The following ZNF808 variants were observed in gnomAD, a reference collection of about 807,000 sequenced individuals.
The protein encoded by ZNF808 is zinc finger protein 808.
A neutral mutation model predicts 8.7 loss-of-function variants in ZNF808; 5 were observed. The observed-to-expected ratio is 0.58, with a 90% CI of 0.30 to 1.21. ZNF808 has a LOEUF of 1.21. Among genes scored for constraint, ZNF808 ranks in the 50% most tolerant of loss-of-function variants. ZNF808 has a pLI of 0.07. For missense variants in ZNF808, 1,103 were observed against 1,098.4 expected (o/e 1.00, Z -0.06); for synonymous variants, 380 against 366.0 (o/e 1.04, Z -0.44).
At chr19:52,538,272 T>A (rs2059632582) in intron 2 of ZNF808, among the ~76,000 whole-genome samples, 3 of 149,326 alleles carry the variant, frequency 2.0e-5, no homozygotes, top group Non-Finnish European at 4.4e-5. Context: ...TTCCCCCGTC[T>A]TGGCCTTGCA....
In ZNF808 at chr19:52,555,026, A is replaced by T. The variant is rs1229029406; in HGVS notation, c.2110A>T (p.Met704Leu). Residue 704 changes from methionine (M) to leucine (L), a missense_variant, in exon 5 of 5, where the codon ATG becomes TTG. Met to Leu is a conservative substitution (Grantham distance 15, BLOSUM62 2). Transcript: ENST00000359798. ...VAKHTRIHSG[M>L]KPYKCNECSK... ...AAAACATACTAGAATTCACAGTGGA[A>T]TGAAACCTTACAAGTGTAATGAGTG... The T allele has an allele frequency of 6.2e-7, 1 of 1,612,986 alleles. No individual in the cohort carries two copies. The highest frequency in any genetic ancestry group is 8.5e-7 in the Non-Finnish European group (1 of 1,179,758).
At chr19:52,564,843 T>G (rs549396492), downstream of ZNF808, among the ~76,000 whole-genome samples, 3 of 152,136 alleles carry the variant, frequency 2.0e-5, no homozygotes, top group African/African-American at 7.2e-5. Flanking sequence ...TCCCAGCACT[T>G]TGGGAGGCCG....
At chr19:52,529,853 T>C (rs2059544325) in intron 1 of ZNF808, among the ~76,000 whole-genome samples, 1 of 151,640 alleles carries the variant, frequency 6.6e-6, no homozygotes, top group South Asian at 2.1e-4. Context: ...TCTGAGTAGC[T>C]GGGACCAGAG....
chr19:52,545,486 A>G (rs1214443490), intron 3 of ZNF808, among the ~76,000 whole-genome samples: 1 of 152,192 alleles, frequency 6.6e-6, no homozygotes, highest in East Asian at 1.9e-4. Context: ...TAATGAGTTA[A>G]TGGTAAGATG....
In ZNF808 at chr19:52,543,142, C is replaced by T. The variant is rs955299916; in HGVS notation, c.-19-124C>T. 19 of 936,554 alleles carry T rather than the reference C, an allele frequency of 2.0e-5. 1 individual carries two copies. The African/African-American group carries it at 3.0e-4, about 15-fold the overall frequency. The allele number at this position is 936,554 out of a possible 1,614,324, so 58.0% of individuals were successfully genotyped here. On this transcript the variant is annotated intron_variant, in intron 2 of 4. Transcript: ENST00000359798. ...TGGGACTTTCTTACCTCTGCATGAT[C>T]TCTGGTGCAGTGGGCAGTGGGGGAC...
In ZNF808 at chr19:52,554,780, C is replaced by T. The variant is rs1351412139; in HGVS notation, c.1864C>T (p.Pro622Ser). ...SHKRIHTGEK[P>S]YRCQVCDTAF... ...TAAGAGAATTCATACTGGAGAGAAA[C>T]CATACAGATGTCAGGTTTGTGACAC... The change falls in exon 5 of 5, where the codon CCA becomes TCA. Residue 622 changes from proline to serine, a missense_variant. Pro to Ser is a moderately conservative substitution (Grantham distance 74). Coordinates refer to ENST00000359798, the MANE Select transcript of ZNF808 (RefSeq NM_001039886.4). The T allele has an allele frequency of 3.1e-6, 5 of 1,613,768 alleles. No homozygotes were observed. The highest frequency in any genetic ancestry group is 4.2e-6 in the Non-Finnish European group (5 of 1,179,912).
At chr19:52,556,986 T>G (rs1430891741), downstream of ZNF808, among the ~76,000 whole-genome samples, 1 of 152,188 alleles carries the variant, frequency 6.6e-6, no homozygotes, top group Non-Finnish European at 1.5e-5. Flanking sequence ...TTGTTTGTTT[T>G]TTTTTAAATG....
At chr19:52,529,414 G>C (rs1197818605) in intron 1 of ZNF808, among the ~76,000 whole-genome samples, 1 of 152,122 alleles carries the variant, frequency 6.6e-6, no homozygotes, top group African/African-American at 2.4e-5. Flanking sequence ...ACTGGGTTTA[G>C]ATCAGTGGAT....
In ZNF808 at chr19:52,553,189, A is replaced by G. The variant is rs201010962; in HGVS notation, c.273A>G (p.Gln91=). The G allele has an allele frequency of 2.8e-5, 45 of 1,613,398 alleles. No individual in the cohort carries two copies. The highest frequency in any genetic ancestry group is 3.3e-4 in the Middle Eastern group (2 of 6,048). ...AAGTGATCCACACAGGGACATTGCA[A>G]AGACATCAAAGTTATCACATTGGAG... ...NREVIHTGTL[Q]RHQSYHIGDF... Residue 91 remains glutamine (Q), a synonymous_variant, in exon 5 of 5, where the codon CAA becomes CAG. Coordinates refer to ENST00000359798, the MANE Select transcript of ZNF808 (RefSeq NM_001039886.4).
chr19:52,548,249 C>A (rs2059742618), intron 4 of ZNF808, among the ~76,000 whole-genome samples: 1 of 152,140 alleles, frequency 6.6e-6, no homozygotes, highest in African/African-American at 2.4e-5. Flanking sequence ...CAATATGTGT[C>A]ACTGTTCATT....
In ZNF808 at chr19:52,553,712, A is replaced by C; in HGVS notation, c.796A>C (p.Lys266Gln). The C allele has an allele frequency of 6.2e-7, 1 of 1,614,142 alleles. No homozygotes were observed. Among genetic ancestry groups the C allele is most frequent in the African/African-American group, 1.3e-5 (1 of 75,058 alleles). The change falls in exon 5 of 5, where the codon AAG becomes CAG. Residue 266 changes from lysine (K) to glutamine (Q), a missense_variant. Physicochemically the swap from Lys to Gln is moderately conservative, Grantham distance 53. Coordinates refer to ENST00000359798, the MANE Select transcript of ZNF808 (RefSeq NM_001039886.4). ...ACAATATAAATGTGATGTATGTGGC[A>C]AGCTCTTTAATCACAAGCAATACCT... ...DKQYKCDVCG[K>Q]LFNHKQYLAC...
chr19:52,555,628 A>G lies in ZNF808; in HGVS notation c.2712A>G (p.Ter904=). 6.3e-7 allele frequency: 1 copy of G among 1,591,578 alleles called. No homozygotes were observed. The highest frequency in any genetic ancestry group is 8.5e-7 in the Non-Finnish European group (1 of 1,170,296). Residue 904 remains the stop codon, a stop_retained_variant, in exon 5 of 5, where the codon TAA becomes TAG. Coordinates refer to ENST00000359798, the MANE Select transcript of ZNF808 (RefSeq NM_001039886.4). The stretch of plus-strand genomic sequence containing the variant: ...TTCATGGTATAGGGAAATTTGATTA[A>G]TATAATGATTGTCACAAAGTCTTCA... The part of the protein sequence containing the change: ...QAIHGIGKFD[*]
Position 52,553,188 on chromosome 19 carries a change from A to C in ZNF808, c.272A>C (p.Gln91Pro). ...GAAGTGATCCACACAGGGACATTGC[A>C]AAGACATCAAAGTTATCACATTGGA... ...NREVIHTGTL[Q>P]RHQSYHIGDF... The change falls in exon 5 of 5, where the codon CAA becomes CCA. Residue 91 changes from glutamine to proline, a missense_variant. Transcript: ENST00000359798. 1 of 1,613,386 alleles carries C rather than the reference A, an allele frequency of 6.2e-7. No homozygotes were observed. Among genetic ancestry groups the C allele is most frequent in the Non-Finnish European group, 8.5e-7 (1 of 1,179,772 alleles).
downstream of ZNF808, among the ~76,000 whole-genome samples, chr19:52,567,592 A>G (rs1167470588): frequency 1.3e-5 from 2 of 150,482 alleles, no homozygotes; most frequent in Middle Eastern, 3.2e-3. Flanking sequence ...TGTCATGATC[A>G]TGGCTCACCA....
At chr19:52,544,361 G>C (rs1299750651) in intron 3 of ZNF808, among the ~76,000 whole-genome samples, 1 of 152,056 alleles carries the variant, frequency 6.6e-6, no homozygotes, top group African/African-American at 2.4e-5. Context: ...TTAAGATGGA[G>C]TCTCAGTCAG....
downstream of ZNF808, among the ~76,000 whole-genome samples, chr19:52,567,767 C>T (rs144344754): frequency 3.3e-3 from 507 of 152,042 alleles, 4 homozygotes; most frequent in African/African-American, 0.012. Context: ...TCAGGCCATC[C>T]GCCGTCCTCA....
chr19:52,537,571 T>A (rs902391414), intron 2 of ZNF808, among the ~76,000 whole-genome samples: 23 of 152,098 alleles, frequency 1.5e-4, no homozygotes, highest in Non-Finnish European at 2.6e-4. Flanking sequence ...AGCTGTAATT[T>A]CAGCTACTCT....
chr19:52,567,245 A>G (rs1466327413), downstream of ZNF808, among the ~76,000 whole-genome samples: 1 of 151,878 alleles, frequency 6.6e-6, no homozygotes, highest in African/African-American at 2.4e-5. Context: ...AGCCAATGCA[A>G]CCGGCCAAGG....
intron 1 of ZNF808, among the ~76,000 whole-genome samples, chr19:52,528,929 G>T (rs945025800): frequency 6.6e-6 from 1 of 151,270 alleles, no homozygotes; most frequent in African/African-American, 2.4e-5. Flanking sequence ...TGGAAGAGAA[G>T]GAATAGAGGG....
Sources: gnomAD v4.1 joint callset for allele counts (sites outside exome capture counted in the v4.1 genomes callset) on GRCh38, gnomAD v4.1.1 for gene constraint, MANE v1.5 for transcripts, NCBI Gene and HGNC (gene_info 2026-07-23, HGNC 2026-07-21) for gene names.